Variants in DPF3 observed in about 807,000 individuals in gnomAD.
DPF3 encodes the protein zinc finger protein DPF3.
Under a neutral mutation model 56.8 loss-of-function variants are expected in DPF3, and 18 were observed. That is an observed-to-expected ratio of 0.32 (90% CI 0.22 to 0.47). The LOEUF is 0.47. Ranked by LOEUF, DPF3 falls within the 20% of genes least tolerant of loss-of-function variation. The probability of loss-of-function intolerance (pLI) is 1.00; values close to 1 mark genes in which losing one functional copy is unlikely to be tolerated. For synonymous variants in DPF3, 188 were observed against 180.2 expected, an observed-to-expected ratio of 1.04 and a Z score of -0.35; for missense variants, 403 against 488.8, an observed-to-expected ratio of 0.82 and a Z score of 1.65.
At chr14:72,670,028 G>A in intron 8 of DPF3, 1 of 985,880 alleles carries the variant, frequency 1.0e-6, no homozygotes, top group Non-Finnish European at 1.2e-6. Context: ...CGCCCCAGGG[G>A]CCTTGAGCAG....
At chr14:72,856,292 C>T (rs1885166237) in intron 1 of DPF3, among the ~76,000 whole-genome samples, 1 of 152,208 alleles carries the variant, frequency 6.6e-6, no homozygotes, top group Non-Finnish European at 1.5e-5. Flanking sequence ...ATCCTTTTCT[C>T]CTCTAAAACA....
At chr14:72,795,289 A>ATATATATATATATATAT (rs1179925797) in intron 1 of DPF3, among the ~76,000 whole-genome samples, 2 of 119,292 alleles carry the variant, frequency 1.7e-5, no homozygotes, top group Non-Finnish European at 3.7e-5. Context: ...AAAAAAAAAA[A>ATATATATATATATATAT]AAAAAAATAT....
intron 8 of DPF3, among the ~76,000 whole-genome samples, chr14:72,658,494 T>C (rs1223948498): frequency 6.6e-6 from 1 of 152,148 alleles, no homozygotes; most frequent in Non-Finnish European, 1.5e-5. Context: ...TGTGATGTAA[T>C]AGACAACTGG....
At chr14:72,734,179 T>C (rs1188797873) in intron 3 of DPF3, among the ~76,000 whole-genome samples, 2 of 152,188 alleles carry the variant, frequency 1.3e-5, no homozygotes. Context: ...AGACAGATAG[T>C]AAATGCAAAA....
chr14:72,806,215 C>T (rs1351365167), intron 1 of DPF3, among the ~76,000 whole-genome samples: 1 of 152,204 alleles, frequency 6.6e-6, no homozygotes, highest in Non-Finnish European at 1.5e-5. Flanking sequence ...AGCCATCCTT[C>T]CTCAGATGCT....
intron 8 of DPF3, among the ~76,000 whole-genome samples, chr14:72,659,081 T>C (rs1008611347): frequency 3.3e-5 from 5 of 152,016 alleles, no homozygotes; most frequent in African/African-American, 1.2e-4. Flanking sequence ...GGCTGCCCCA[T>C]TGGAAGCACA....
chr14:72,787,307 T>C lies in DPF3; in HGVS notation c.33-15414A>G, dbSNP rs542669556. On this transcript the variant is annotated intron_variant, in intron 1 of 10. Transcript: ENST00000556509. Reference sequence around the variant, plus strand: ...AGCGGGTCTGCCCCTGTTAGGCTGATGTGGGAATCAAGAGACCTGGATTCC... The same window carrying C: ...AGCGGGTCTGCCCCTGTTAGGCTGACGTGGGAATCAAGAGACCTGGATTCC... 4.6e-5 allele frequency among the ~76,000 whole-genome samples: 7 copies of C among 152,364 alleles called. No homozygotes were observed. The East Asian group carries it at 1.4e-3, about 29-fold the overall frequency.
intron 1 of DPF3, among the ~76,000 whole-genome samples, chr14:72,828,845 G>A (rs1021645487): frequency 2.0e-5 from 3 of 152,202 alleles, no homozygotes; most frequent in African/African-American, 7.2e-5. Context: ...AGATTACCCT[G>A]GCCACGGGAT....
At chr14:72,788,267 ACT>A (rs1479630910) in intron 1 of DPF3, among the ~76,000 whole-genome samples, 1 of 151,958 alleles carries the variant, frequency 6.6e-6, no homozygotes, top group Non-Finnish European at 1.5e-5. Flanking sequence ...GGAGGACTAC[ACT>A]GTGTCCTGGA....
intron 1 of DPF3, among the ~76,000 whole-genome samples, chr14:72,827,081 G>A (rs982935847): frequency 3.3e-5 from 5 of 149,484 alleles, no homozygotes; most frequent in African/African-American, 9.9e-5. Flanking sequence ...GATATCAATC[G>A]TAAAAGTTAG....
At chr14:72,655,414 A>G (rs535518196) in intron 8 of DPF3, among the ~76,000 whole-genome samples, 1 of 152,338 alleles carries the variant, frequency 6.6e-6, no homozygotes, top group East Asian at 1.9e-4. Flanking sequence ...TCATGCTGAG[A>G]ATAATATCCA....
At chr14:72,671,680 A>T (rs1198170963) in intron 8 of DPF3, among the ~76,000 whole-genome samples, 3 of 152,186 alleles carry the variant, frequency 2.0e-5, no homozygotes, top group East Asian at 1.9e-4. Flanking sequence ...AATGATTTTC[A>T]TTGGTGGTTT....
chr14:72,661,542 C>A, intron 8 of DPF3: 2 of 985,502 alleles, frequency 2.0e-6, no homozygotes, highest in Non-Finnish European at 2.4e-6. Context: ...AACCCAGTGG[C>A]TCAGCCAGTC....
At chr14:72,620,378 T>A (rs557998205) in intron 9 of DPF3, among the ~76,000 whole-genome samples, 19 of 152,352 alleles carry the variant, frequency 1.2e-4, no homozygotes, top group African/African-American at 4.3e-4. Flanking sequence ...AAGATCTTAA[T>A]TGAATTCTTC....
intron 1 of DPF3, among the ~76,000 whole-genome samples, chr14:72,816,005 A>G (rs1341618677): frequency 6.6e-6 from 1 of 152,240 alleles, no homozygotes; most frequent in Non-Finnish European, 1.5e-5. Context: ...CATTTCGAAG[A>G]TAAGGAAACT....
Position 72,629,678 on chromosome 14 carries a change from C to T in DPF3, c.930G>A (p.Lys310=). ...LNMTEAVKTY[K]WQCIECKSCI... is the part of the protein sequence containing the mutation. ...AGGATTTGCACTCTATGCACTGCCA[C>T]TTGTAGGTCTTGACAGCCTCGGTCA... Residue 310 remains lysine, a synonymous_variant, in exon 9 of 11, where the codon AAG becomes AAA. Transcript: ENST00000556509. The T allele has an allele frequency of 6.5e-7, 1 of 1,536,102 alleles. No individual in the cohort carries two copies. Among genetic ancestry groups the T allele is most frequent in the Non-Finnish European group, 8.7e-7 (1 of 1,146,876 alleles).
Position 72,619,168 on chromosome 14 carries a change from C to A in DPF3, c.*129G>T, listed in dbSNP as rs1422781895. ...ACCCTCTTCGTTCCATGTGTCCCTG[C>A]CCCTCTGGGACTATTTCTTTTCCTT... is the stretch of plus-strand genomic sequence containing the variant. On this transcript the variant is annotated 3_prime_UTR_variant, in exon 11 of 11. Coordinates refer to ENST00000556509, the MANE Select transcript of DPF3 (RefSeq NM_001280542.3). The A allele has an allele frequency of 4.4e-6, 4 of 900,710 alleles. No homozygotes were observed. The highest frequency in any genetic ancestry group is 6.6e-6 in the Non-Finnish European group (4 of 605,246). The allele number at this position is 900,710 out of a possible 1,614,324, so 55.8% of individuals were successfully genotyped here.
Position 72,618,544 on chromosome 14 carries a change from CT to C in DPF3, c.*752del, listed in dbSNP as rs1884226912. On this transcript the variant is annotated 3_prime_UTR_variant, in exon 11 of 11. Transcript: ENST00000556509. ...GAAGGTCAAGGAACCAGCCTGGCCT[CT>C]TGCAAAGTCTCTCCCGATGGATAAC... Among the ~76,000 whole-genome samples, 1 of 152,212 alleles carries C rather than the reference CT, an allele frequency of 6.6e-6. No individual in the cohort carries two copies. The highest frequency in any genetic ancestry group is 2.1e-4 in the South Asian group (1 of 4,828).
chr14:72,669,968 C>T (rs150857800), intron 8 of DPF3: 17 of 985,998 alleles, frequency 1.7e-5, no homozygotes, highest in East Asian at 2.3e-4. Context: ...ACTAGGACCT[C>T]GCAGCCGGTC....
Sources: allele counts gnomAD v4.1 joint callset (sites outside exome capture counted in the v4.1 genomes callset), GRCh38; gene constraint gnomAD v4.1.1; transcripts MANE v1.5; gene names NCBI Gene and HGNC (gene_info 2026-07-23, HGNC 2026-07-21).